The following RBM5 variants were observed in gnomAD, a reference collection of about 807,000 sequenced individuals.
RBM5 encodes the protein RNA-binding protein 5.
Under a neutral mutation model 124.6 loss-of-function variants are expected in RBM5, and 15 were observed. The observed-to-expected ratio is 0.12, with a 90% CI of 0.08 to 0.19. The LOEUF (loss-of-function observed/expected upper bound fraction) is 0.19. RBM5 is among the 10% of genes least tolerant of loss of function. The pLI is 1.00. For synonymous variants in RBM5, 337 were observed against 361.2 expected, an observed-to-expected ratio of 0.93 and a Z score of 0.76; for missense variants, 580 against 1,026.5, an observed-to-expected ratio of 0.57 and a Z score of 5.94.
In RBM5 at chr3:50,093,589, C is replaced by T. The variant is rs904778402; in HGVS notation, c.184-131C>T. On this transcript the variant is annotated intron_variant, in intron 3 of 24. Transcript: ENST00000347869. ...CCCCTGTCTCAAAAAAAAAAAATTG[C>T]AGTGAACATTACCATGGAGTGCTTG... 8.2e-6 allele frequency: 8 copies of T among 973,800 alleles called. No individual in the cohort carries two copies. The Admixed American group carries it at 1.3e-4, about 15-fold the overall frequency. 60.3% of individuals were successfully genotyped at this position (973,800 alleles called of 1,614,324 possible). A position where few individuals can be genotyped will look rare whatever the true frequency, so the allele number is the denominator to read the frequency against.
intron 18 of RBM5, 70 bp from the exon 19 acceptor site, chr3:50,113,880 C>T (rs1472838734): frequency 6.5e-7 from 1 of 1,540,544 alleles, no homozygotes; most frequent in Non-Finnish European, 8.8e-7. Context: ...GAGATAAGAT[C>T]CTTAATGGCT....
chr3:50,092,398 T>C (rs1007495053), intron 3 of RBM5, among the ~76,000 whole-genome samples, 190 bp downstream of exon 3: 6 of 151,848 alleles, frequency 4.0e-5, no homozygotes, highest in Non-Finnish European at 7.4e-5. Flanking sequence ...CCGTCTCTAC[T>C]AAAAATACAA....
At chr3:50,090,778 A>T (rs186974184) in intron 2 of RBM5, among the ~76,000 whole-genome samples, 6 of 152,346 alleles carry the variant, frequency 3.9e-5, no homozygotes, top group Non-Finnish European at 7.3e-5. Context: ...AGGGCAGGGT[A>T]GAGTGGGTCA....
chr3:50,091,992 A>T (rs550192568), intron 2 of RBM5, 51 bp from the exon 3 acceptor site: 2 of 1,573,746 alleles, frequency 1.3e-6, no homozygotes, highest in South Asian at 2.2e-5. Context: ...TATGTCTTTT[A>T]AAGGTACAAA....
intron 3 of RBM5, 39 bp downstream of exon 3, chr3:50,092,247 T>G (rs1474359634): frequency 1.3e-6 from 2 of 1,596,118 alleles, no homozygotes; most frequent in Non-Finnish European, 1.7e-6. Flanking sequence ...CAAAACACTC[T>G]GAGCCTTATA....
chr3:50,108,750 CATCATGTA>C (rs1026557847), intron 14 of RBM5, among the ~76,000 whole-genome samples: 1 of 152,118 alleles, frequency 6.6e-6, no homozygotes, highest in African/African-American at 2.4e-5. Flanking sequence ...TCAGGGCTGT[CATCATGTA>C]CCCAAGGTTC....
intron 4 of RBM5, chr3:50,099,622 CAGG>C: frequency 6.4e-6 from 1 of 156,426 alleles, no homozygotes. Context: ...CGCTTGAATC[CAGG>C]AGGTGGAGGT....
intron 10 of RBM5, among the ~76,000 whole-genome samples, chr3:50,105,939 G>A (rs1188979724): frequency 6.6e-6 from 1 of 151,806 alleles, no homozygotes; most frequent in East Asian, 1.9e-4. Context: ...TTTAGTCCTT[G>A]GTACTTTGTT....
At position 50,109,078 on chromosome 3, in the gene RBM5, CTTCTT is replaced by C. The variant is rs1198394751; in HGVS notation, c.1193-522_1193-518del. On this transcript the variant is annotated intron_variant, in intron 14 of 24. Transcript: ENST00000347869. ...AGATCCTTTCTTCTCTTCCTTTTCT[CTTCTT>C]TTTTTTTTGAGACGGAGTCTCGCTC... Among the ~76,000 whole-genome samples, 58 of 151,866 alleles carry C rather than the reference CTTCTT, an allele frequency of 3.8e-4. 1 individual carries two copies. The highest frequency in any genetic ancestry group is 6.6e-4 in the Admixed American group (10 of 15,246).
chr3:50,108,443 T>C lies in RBM5; in HGVS notation c.1192+139T>C. On this transcript the variant is annotated intron_variant, in intron 14 of 24. Coordinates refer to ENST00000347869, the MANE Select transcript of RBM5 (RefSeq NM_005778.4). Reference sequence around the variant, plus strand: ...AGGGGGCATGGCCGGGCACGGTGGCTCACGCCTGTAATCCCAGCACTTTGG... The same window carrying C: ...AGGGGGCATGGCCGGGCACGGTGGCCCACGCCTGTAATCCCAGCACTTTGG... The C allele has an allele frequency of 7.2e-6, 6 of 839,090 alleles. No homozygotes were observed. In the South Asian group the frequency reaches 9.4e-5, roughly 13 times the overall value. The allele number at this position is 839,090 out of a possible 1,614,324, so 52.0% of individuals were successfully genotyped here. A position where few individuals can be genotyped will look rare whatever the true frequency, so the allele number is the denominator to read the frequency against.
chr3:50,106,492 C>G (rs1238652942), intron 10 of RBM5, among the ~76,000 whole-genome samples: 2 of 152,164 alleles, frequency 1.3e-5, no homozygotes, highest in African/African-American at 4.8e-5. Context: ...GTCTCGAACT[C>G]TTGACTTCAA....
rs932551516 is a variant in RBM5, at chr3:50,115,895, C to T, written c.2020-11C>T. The T allele has an allele frequency of 2.5e-6, 4 of 1,608,096 alleles. No homozygotes were observed. Among genetic ancestry groups the T allele is most frequent in the Non-Finnish European group, 3.4e-6 (4 of 1,174,670 alleles). On this transcript the variant is annotated splice_polypyrimidine_tract_variant and intron_variant, in intron 21 of 24. Transcript: ENST00000347869. Reference sequence around the variant, plus strand: ...TGAGTCCTTACTGTGTCTTTCAAATCTTTTGTGTAGCAAAACATGGACATC... The same window carrying T: ...TGAGTCCTTACTGTGTCTTTCAAATTTTTTGTGTAGCAAAACATGGACATC...
chr3:50,113,207 C>T lies in RBM5; in HGVS notation c.1456-176C>T, dbSNP rs143343901. 9.3e-6 allele frequency: 5 copies of T among 538,788 alleles called. No individual in the cohort carries two copies. The East Asian group carries it at 9.7e-5, about 10-fold the overall frequency. The allele number at this position is 538,788 out of a possible 1,614,324, so 33.4% of individuals were successfully genotyped here. The stretch of plus-strand genomic sequence containing the variant: ...TTCTATTTTTACTCTAGCAGTGTCA[C>T]ACCTCTTTGCTAGGTGGTTCATCAC... On this transcript the variant is annotated intron_variant, in intron 17 of 24. Coordinates refer to ENST00000347869, the MANE Select transcript of RBM5 (RefSeq NM_005778.4).
chr3:50,110,102 T>A (rs1329369341), intron 15 of RBM5, among the ~76,000 whole-genome samples: 1 of 152,160 alleles, frequency 6.6e-6, no homozygotes, highest in Non-Finnish European at 1.5e-5. Flanking sequence ...TCCCAGCTAC[T>A]CGGGAGGCTG....
At chr3:50,118,187 C>A (rs1553685798) in intron 24 of RBM5, 144 bp from the exon 25 acceptor site, 8 of 1,177,044 alleles carry the variant, frequency 6.8e-6, no homozygotes, top group Non-Finnish European at 1.2e-6. Context: ...CTCCTGGTCT[C>A]TTCTGGAGAA....
At chr3:50,111,599 TC>T (rs1338272621) in intron 17 of RBM5, among the ~76,000 whole-genome samples, 1 of 152,094 alleles carries the variant, frequency 6.6e-6, no homozygotes, top group African/African-American at 2.4e-5. Flanking sequence ...GGTCTCGAAC[TC>T]CTGACCTTAA....
intron 4 of RBM5, 173 bp from the exon 5 acceptor site, chr3:50,099,809 C>A (rs2090902239): frequency 4.0e-6 from 2 of 499,574 alleles, no homozygotes; most frequent in Non-Finnish European, 7.0e-6. Context: ...TTGCAGTGAG[C>A]TGAGATCATG....
intron 22 of RBM5, 105 bp downstream of exon 22, chr3:50,116,085 T>C: frequency 6.5e-6 from 7 of 1,080,246 alleles, no homozygotes; most frequent in African/African-American, 1.6e-5. Context: ...TAGGAGGATT[T>C]GTCATACCCT....
Position 50,100,656 on chromosome 3 carries a change from A to G in RBM5, c.483+51A>G. ...ATTCATGAAAATGGAACAAGTCTGT[A>G]CAATTTTAAAAAAAGGTTGAAGGAG... is the stretch of plus-strand genomic sequence containing the variant. On this transcript the variant is annotated intron_variant, in intron 6 of 24. Transcript: ENST00000347869. The surrounding 1 kb of genome is among the most constrained non-coding windows in gnomAD (Gnocchi z 5.1). The G allele has an allele frequency of 1.4e-6, 2 of 1,468,110 alleles. No individual in the cohort carries two copies. Among genetic ancestry groups the G allele is most frequent in the Non-Finnish European group, 1.9e-6 (2 of 1,054,112 alleles). The allele number at this position is 1,468,110 out of a possible 1,614,324, so 90.9% of individuals were successfully genotyped here.
Sources: allele counts gnomAD v4.1 joint callset (sites outside exome capture counted in the v4.1 genomes callset), GRCh38; gene constraint gnomAD v4.1.1; non-coding constraint Gnocchi (gnomAD v3.1); transcripts MANE v1.5; gene names NCBI Gene and HGNC (gene_info 2026-07-23, HGNC 2026-07-21).